The following MAN1A1 variants were observed in gnomAD, a reference collection of about 807,000 sequenced individuals.
MAN1A1 encodes the protein mannosidase alpha class 1A member 1.
Under a neutral mutation model 70.8 loss-of-function variants are expected in MAN1A1, and 29 were observed. That is an observed-to-expected ratio of 0.41 (90% CI 0.31 to 0.56). The LOEUF is 0.56. MAN1A1 is among the 20% of genes least tolerant of loss of function. The probability of loss-of-function intolerance (pLI) is 0.29; values close to 1 mark genes in which losing one functional copy is unlikely to be tolerated. For synonymous variants in MAN1A1, 349 were observed against 330.1 expected, an observed-to-expected ratio of 1.06 and a Z score of -0.62; for missense variants, 747 against 841.3, an observed-to-expected ratio of 0.89 and a Z score of 1.39.
At chr6:119,180,551 T>C in intron 11 of MAN1A1, 124 bp from the exon 12 acceptor site, 3 of 579,568 alleles carry the variant, frequency 5.2e-6, no homozygotes, top group Non-Finnish European at 6.2e-6. Flanking sequence ...CCTCACTCTG[T>C]TGCCTGGGCG....
At chr6:119,250,985 A>G (rs1436413988) in intron 5 of MAN1A1, among the ~76,000 whole-genome samples, 1 of 152,122 alleles carries the variant, frequency 6.6e-6, no homozygotes, top group East Asian at 1.9e-4. Flanking sequence ...AGGCATTTTG[A>G]TTTTTGATTT....
At chr6:119,182,179 GA>G (rs1206167525) in intron 11 of MAN1A1, among the ~76,000 whole-genome samples, 1 of 152,080 alleles carries the variant, frequency 6.6e-6, no homozygotes, top group African/African-American at 2.4e-5. Flanking sequence ...GTCTTCTTTG[GA>G]AAAATGTCTC....
At chr6:119,251,375 C>G (rs1775312666) in intron 5 of MAN1A1, among the ~76,000 whole-genome samples, 1 of 152,108 alleles carries the variant, frequency 6.6e-6, no homozygotes. Context: ...GCTTTTGAGT[C>G]TTCATGGTCT....
At chr6:119,212,007 A>AT (rs981599231) in intron 6 of MAN1A1, among the ~76,000 whole-genome samples, 2 of 151,576 alleles carry the variant, frequency 1.3e-5, no homozygotes, top group Admixed American at 6.6e-5. Context: ...TGCCTGGCTA[A>AT]TTTTTTGTAT....
intron 8 of MAN1A1, among the ~76,000 whole-genome samples, chr6:119,195,860 C>A (rs1031501571): frequency 4.6e-5 from 7 of 152,160 alleles, no homozygotes; most frequent in African/African-American, 1.7e-4. Flanking sequence ...TTTAAAAATT[C>A]TAAGTCTGAT....
At chr6:119,196,438 T>A (rs906775922) in intron 8 of MAN1A1, among the ~76,000 whole-genome samples, 1 of 151,910 alleles carries the variant, frequency 6.6e-6, no homozygotes, top group African/African-American at 2.4e-5. Flanking sequence ...GTCAACACAG[T>A]CCTGTGTAAA....
chr6:119,267,002 T>C (rs1775775930), intron 5 of MAN1A1, among the ~76,000 whole-genome samples: 1 of 152,116 alleles, frequency 6.6e-6, no homozygotes, highest in South Asian at 2.1e-4. Flanking sequence ...ACATCGCAAA[T>C]CATCAAGTAA....
At chr6:119,210,663 TGTCTA>T (rs1383840565) in intron 6 of MAN1A1, among the ~76,000 whole-genome samples, 1 of 84,568 alleles carries the variant, frequency 1.2e-5, no homozygotes, top group African/African-American at 4.3e-5. Context: ...AATTCAGTGG[TGTCTA>T]GTTTCTTTTT....
chr6:119,267,611 T>C (rs1366249693), intron 5 of MAN1A1, among the ~76,000 whole-genome samples: 2 of 152,208 alleles, frequency 1.3e-5, no homozygotes, highest in African/African-American at 2.4e-5. Context: ...CATGCCATAG[T>C]AAGCAGCATC....
At chr6:119,272,223 T>C (rs7763451) in intron 5 of MAN1A1, among the ~76,000 whole-genome samples, 6,279 of 152,270 alleles carry the variant, frequency 0.041, 146 homozygotes, top group African/African-American at 0.054. Context: ...CATGGTAAAG[T>C]GAGTCTAGAT....
chr6:119,190,706 G>T (rs1003334384), intron 9 of MAN1A1, among the ~76,000 whole-genome samples: 8 of 152,030 alleles, frequency 5.3e-5, no homozygotes, highest in African/African-American at 1.9e-4. Context: ...CTTTAAATTT[G>T]GGAGAAATGA....
intron 11 of MAN1A1, among the ~76,000 whole-genome samples, chr6:119,187,043 T>G (rs1156583371): frequency 6.6e-6 from 1 of 152,152 alleles, no homozygotes; most frequent in Non-Finnish European, 1.5e-5. Flanking sequence ...AGCAACCCCC[T>G]GAAGAACACA....
chr6:119,276,055 C>A (rs1358356877), intron 5 of MAN1A1, among the ~76,000 whole-genome samples: 1 of 152,322 alleles, frequency 6.6e-6, no homozygotes, highest in South Asian at 2.1e-4. Context: ...CCCTCCTTCT[C>A]TTCTTCTTCA....
intron 6 of MAN1A1, among the ~76,000 whole-genome samples, chr6:119,225,265 G>C (rs11153797): frequency 6.6e-6 from 1 of 151,850 alleles, no homozygotes; most frequent in African/African-American, 2.4e-5. Flanking sequence ...AGCCAGGTGC[G>C]GTGGCTCACA....
At chr6:119,202,379 G>C in intron 7 of MAN1A1, among the ~76,000 whole-genome samples, 1 of 152,036 alleles carries the variant, frequency 6.6e-6, no homozygotes, top group East Asian at 1.9e-4. Context: ...AGGTCTTTCA[G>C]GGGCAGTAGC....
At chr6:119,193,259 C>A (rs987688504) in intron 9 of MAN1A1, among the ~76,000 whole-genome samples, 1 of 152,056 alleles carries the variant, frequency 6.6e-6, no homozygotes, top group Non-Finnish European at 1.5e-5. Context: ...TCAACTGTTG[C>A]CTCTTACTTC....
At chr6:119,318,018 A>T (rs1040992224) in intron 2 of MAN1A1, among the ~76,000 whole-genome samples, 1 of 152,206 alleles carries the variant, frequency 6.6e-6, no homozygotes, top group African/African-American at 2.4e-5. Flanking sequence ...ACTGCTGATA[A>T]CAGTTTTACA....
intron 6 of MAN1A1, among the ~76,000 whole-genome samples, chr6:119,235,256 G>A (rs2114292143): frequency 6.6e-6 from 1 of 152,320 alleles, no homozygotes. Context: ...AGTGAGGAAG[G>A]CATATCAAAA....
At chr6:119,181,359 G>A (rs1773149161) in intron 11 of MAN1A1, among the ~76,000 whole-genome samples, 1 of 152,070 alleles carries the variant, frequency 6.6e-6, no homozygotes, top group Non-Finnish European at 1.5e-5. Context: ...ATTGATTGTA[G>A]GGTACTCATC....
Sources: allele counts gnomAD v4.1 joint callset (sites outside exome capture counted in the v4.1 genomes callset), GRCh38; gene constraint gnomAD v4.1.1; transcripts MANE v1.5; gene names NCBI Gene and HGNC (gene_info 2026-07-23, HGNC 2026-07-21).